Variants in CDKL5 observed in about 807,000 individuals in gnomAD.
The protein encoded by CDKL5 is cyclin-dependent kinase-like 5.
Under a neutral mutation model 61.7 loss-of-function variants are expected in CDKL5, and 8 were observed. That is an observed-to-expected ratio of 0.13 (90% confidence interval 0.08 to 0.23). The LOEUF is 0.23. Ranked by LOEUF, CDKL5 falls within the 10% of genes least tolerant of loss-of-function variation. The probability of loss-of-function intolerance (pLI) is 1.00; values close to 1 mark genes in which losing one functional copy is unlikely to be tolerated. For missense variants in CDKL5, 440 were observed against 734.5 expected (o/e 0.60, Z 4.63); for synonymous variants, 275 against 272.3 (o/e 1.01, Z -0.10).
At position 18,444,846 on chromosome X, in the gene CDKL5, G is replaced by A. The variant is rs181581891; in HGVS notation, c.-163+19151G>A. Among the ~76,000 whole-genome samples the A allele has an allele frequency of 4.4e-3, 489 of 111,437 alleles. 2 individuals are homozygous for A. In the Middle Eastern group the frequency reaches 0.046, roughly 11 times the overall value. The stretch of plus-strand genomic sequence containing the variant: ...CCTCCAAGATTTTTGCTGTTTCTCC[G>A]TGTGGTGTGCAGTATTTGACAATTT... On this transcript the variant is annotated intron_variant, in intron 1 of 17. Transcript: ENST00000623535.
At chrX:18,645,768 A>G (rs918577842) in intron 19 of CDKL5, among the ~76,000 whole-genome samples, 1 of 110,653 alleles carries the variant, frequency 9.0e-6, no homozygotes, top group Non-Finnish European at 1.9e-5. Context: ...AGAGTCTGCT[A>G]ATTATCACCC....
intron 4 of CDKL5, among the ~76,000 whole-genome samples, chrX:18,573,075 G>A (rs904083235): frequency 2.7e-5 from 3 of 110,929 alleles, no homozygotes; most frequent in African/African-American, 9.8e-5. Flanking sequence ...AGTAGACTGA[G>A]CATTGTAGGC....
chrX:18,651,359 G>A lies in CDKL5; in HGVS notation c.2980+767G>A, dbSNP rs775123786. Among the ~76,000 whole-genome samples, 82 of 109,416 alleles carry A rather than the reference G, an allele frequency of 7.5e-4. 1 individual carries two copies. In the Middle Eastern group the frequency reaches 0.014, roughly 19 times the overall value. Reference sequence around the variant, plus strand: ...TGTCGACAGCATCCCTTAAGCTTATGGACCTGGAAGATCTAGGCCTCACCA... The same window carrying A: ...TGTCGACAGCATCCCTTAAGCTTATAGACCTGGAAGATCTAGGCCTCACCA... On this transcript the variant is annotated intron_variant, in intron 21 of 21. Coordinates refer to the CDKL5 transcript ENST00000379989.
At position 18,634,273 on chromosome X, in the gene CDKL5, G is replaced by T; in HGVS notation, c.*5516G>T. 2.7e-6 allele frequency: 2 copies of T among 753,762 alleles called. No homozygotes were observed. Among genetic ancestry groups the T allele is most frequent in the Non-Finnish European group, 3.1e-6 (2 of 639,146 alleles). The allele number at this position is 753,762 out of a possible 1,213,427, so 62.1% of individuals were successfully genotyped here. On this transcript the variant is annotated 3_prime_UTR_variant, in exon 18 of 18. Transcript: ENST00000623535. ...TAAGAATTCCTCAGGACTTCCTTTG[G>T]TTGGGGATTTTACTTTCCCAAAAGT...
chrX:18,448,007 C>A (rs899630885), intron 1 of CDKL5, among the ~76,000 whole-genome samples: 1 of 110,735 alleles, frequency 9.0e-6, no homozygotes, highest in Non-Finnish European at 1.9e-5. Context: ...CTGCCTTGAC[C>A]TCCCAAAGTA....
chrX:18,646,075 A>C (rs1189129443), exon 20 of CDKL5: 1 of 1,212,004 alleles, frequency 8.3e-7, no homozygotes, highest in East Asian at 3.0e-5. Context: ...CATGTTAAGG[A>C]CGACAGAACA....
chrX:18,509,192 A>AACGCACACACACACAC (rs1555940155), intron 2 of CDKL5, among the ~76,000 whole-genome samples: 1 of 45,002 alleles, frequency 2.2e-5, no homozygotes, highest in Admixed American at 2.5e-4. Flanking sequence ...ACTGTCTCAA[A>AACGCACACACACACAC]ACACGCACAC....
intron 21 of CDKL5, among the ~76,000 whole-genome samples, chrX:18,653,078 A>G (rs1233652068): frequency 8.9e-6 from 1 of 112,623 alleles, no homozygotes; most frequent in African/African-American, 3.2e-5. Context: ...ACAATATAGT[A>G]GAGTACAGAA....
chrX:18,446,189 CA>C (rs529883672), intron 1 of CDKL5, among the ~76,000 whole-genome samples: 712 of 48,109 alleles, frequency 0.015, 1 homozygote, highest in Middle Eastern at 0.13. Flanking sequence ...ACTAAAAATA[CA>C]AAAAAAAAAA....
chrX:18,628,288 C>T, intron 17 of CDKL5, 83 bp from the exon 18 acceptor site: 5 of 1,013,571 alleles, frequency 4.9e-6, no homozygotes, highest in South Asian at 3.8e-5. Flanking sequence ...CACCCAGTCA[C>T]CTCACCTCTA....
chrX:18,595,360 A>G lies in CDKL5; in HGVS notation c.757A>G (p.Asn253Asp). Residue 253 changes from asparagine (N) to aspartate (D), a missense_variant, in exon 10 of 18, where the codon AAC becomes GAC. By Grantham distance (23) the Asn-to-Asp change is conservative (BLOSUM62 1). Transcript: ENST00000623535. ...RFHGLRFPAV[N>D]HPQSLERRYL... ...GTATGTCTCACAGTTTCCAGCTGTT[A>G]ACCATCCTCAGTCCTTGGAAAGAAG... The G allele has an allele frequency of 8.4e-7, 1 of 1,195,685 alleles. No individual in the cohort carries two copies. Among genetic ancestry groups the G allele is most frequent in the Non-Finnish European group, 1.1e-6 (1 of 880,924 alleles).
At position 18,591,861 on chromosome X, in the gene CDKL5, A is replaced by G. The variant is rs1051696579; in HGVS notation, c.745-3487A>G. 3.6e-5 allele frequency among the ~76,000 whole-genome samples: 4 copies of G among 111,753 alleles called. No homozygotes were observed. The East Asian group carries it at 8.4e-4, about 24-fold the overall frequency. On this transcript the variant is annotated intron_variant, in intron 9 of 17. Coordinates refer to ENST00000623535, the MANE Select transcript of CDKL5 (RefSeq NM_001323289.2). ...TATTCGAGGGGAAACTGGTGACCCT[A>G]TAACACTCTGGTTATACCTCTTTTG...
In CDKL5 at chrX:18,631,766, T is replaced by C. The variant is rs1927243772; in HGVS notation, c.*3009T>C. ...TCCTCGTTTTTCCTCTCTGAAGTTC[T>C]AAATACCCTTTAACTGAACCTTGTT... On this transcript the variant is annotated 3_prime_UTR_variant, in exon 18 of 18. Transcript: ENST00000623535. The C allele has an allele frequency of 1.3e-6, 1 of 752,137 alleles. No individual in the cohort carries two copies. The highest frequency in any genetic ancestry group is 1.6e-6 in the Non-Finnish European group (1 of 638,461). The allele number at this position is 752,137 out of a possible 1,213,427, so 62.0% of individuals were successfully genotyped here.
chrX:18,650,398 A>C (rs1348722240), intron 20 of CDKL5: 1 of 1,209,215 alleles, frequency 8.3e-7, no homozygotes, highest in Middle Eastern at 2.3e-4. Context: ...CTGCCCTCTG[A>C]ATATTTTCCA....
At chrX:18,463,306 T>C (rs1016661243) in intron 1 of CDKL5, among the ~76,000 whole-genome samples, 4 of 111,057 alleles carry the variant, frequency 3.6e-5, no homozygotes, top group African/African-American at 1.3e-4. Context: ...TAATTGCTTC[T>C]TCCCCTGAAT....
At chrX:18,617,173 G>A (rs970412733) in intron 15 of CDKL5, among the ~76,000 whole-genome samples, 3 of 111,478 alleles carry the variant, frequency 2.7e-5, no homozygotes, top group Non-Finnish European at 5.7e-5. Context: ...GTCTCCTCTT[G>A]GACCCTTATG....
chrX:18,474,012 G>A lies in CDKL5; in HGVS notation c.-162-32923G>A, dbSNP rs889551213. Among the ~76,000 whole-genome samples, 3 of 108,597 alleles carry A rather than the reference G, an allele frequency of 2.8e-5. No homozygotes were observed. The Admixed American group carries it at 3.0e-4, about 11-fold the overall frequency. 94.3% of individuals were successfully genotyped at this position (108,597 alleles called of 115,157 possible). The stretch of plus-strand genomic sequence containing the variant: ...GCCTCCTGAGTAGCTGGGATTACAG[G>A]CACGTGCCACCACACCAGGGTAATT... On this transcript the variant is annotated intron_variant, in intron 1 of 17. Coordinates refer to ENST00000623535, the MANE Select transcript of CDKL5 (RefSeq NM_001323289.2).
intron 4 of CDKL5, among the ~76,000 whole-genome samples, chrX:18,566,953 G>A (rs182120949): frequency 1.9e-4 from 21 of 111,259 alleles, no homozygotes; most frequent in Admixed American, 4.8e-4. Flanking sequence ...TGACACCTAC[G>A]TACCACCTAC....
chrX:18,467,443 A>G (rs1175212663), intron 1 of CDKL5, among the ~76,000 whole-genome samples: 2 of 111,718 alleles, frequency 1.8e-5, no homozygotes, highest in East Asian at 5.6e-4. Context: ...ATGGCCCTGC[A>G]TGTAAGTTCC....
Sources: allele counts gnomAD v4.1 joint callset (sites outside exome capture counted in the v4.1 genomes callset), GRCh38; gene constraint gnomAD v4.1.1; transcripts MANE v1.5; gene names NCBI Gene and HGNC (gene_info 2026-07-23, HGNC 2026-07-21).